PIGG: variants seen among roughly 807,000 people sequenced by gnomAD.
PIGG encodes GPI ethanolamine phosphate transferase 2, catalytic subunit.
A neutral mutation model predicts 83.2 loss-of-function variants in PIGG; 70 were observed. The observed-to-expected ratio is 0.84, with a 90% CI of 0.69 to 1.03. PIGG has a LOEUF of 1.03. PIGG is among the 50% of genes least tolerant of loss of function. The pLI is 0.00. For synonymous variants in PIGG, 532 were observed against 519.5 expected (o/e 1.02, Z -0.33); for missense variants, 1,257 against 1,233.6 (o/e 1.02, Z -0.28).
intron 2 of PIGG, chr4:502,074 T>G (rs1338828850): frequency 1.3e-5 from 2 of 152,230 alleles, no homozygotes; most frequent in African/African-American, 4.8e-5. Context: ...CTTTATCTGC[T>G]CTATCAGAAG....
chr4:503,443 C>T (rs1278509038), intron 2 of PIGG, among the ~76,000 whole-genome samples: 1 of 152,202 alleles, frequency 6.6e-6, no homozygotes, highest in Non-Finnish European at 1.5e-5. Context: ...GGCCCCCTTC[C>T]GTGTTCCCTT....
chr4:500,682 G>A, intron 2 of PIGG, 81 bp downstream of exon 2: 1 of 905,092 alleles, frequency 1.1e-6, no homozygotes, highest in South Asian at 1.4e-5. Context: ...CTTTCGCTTG[G>A]AGTTGCAATT....
chr4:533,240 CG>C (rs2109029205), intron 11 of PIGG: 1 of 158,602 alleles, frequency 6.3e-6, no homozygotes, highest in South Asian at 1.8e-4. Flanking sequence ...TGGTCTGATA[CG>C]TAAGCCAGAT....
At position 517,668 on chromosome 4, in the gene PIGG, C is replaced by T. The variant is rs545395507; in HGVS notation, c.1114+1483C>T. Reference sequence around the variant, plus strand: ...TCGTCAGATGGAGAGTGGGGGAAGGCCTGGCTGGTACTAGGCAGGCGAGAG... The same window carrying T: ...TCGTCAGATGGAGAGTGGGGGAAGGTCTGGCTGGTACTAGGCAGGCGAGAG... On this transcript the variant is annotated intron_variant, in intron 6 of 12. Coordinates refer to ENST00000453061, the MANE Select transcript of PIGG (RefSeq NM_001127178.3). 2.4e-4 allele frequency among the ~76,000 whole-genome samples: 37 copies of T among 152,162 alleles called. No individual in the cohort carries two copies. In the East Asian group the frequency reaches 6.4e-3, roughly 26 times the overall value.
At chr4:525,077 G>C in intron 9 of PIGG, 2 of 493,402 alleles carry the variant, frequency 4.1e-6, no homozygotes, top group Non-Finnish European at 5.3e-6. Flanking sequence ...GGGTCAGCCA[G>C]GCAAGGCAGG....
intron 10 of PIGG, among the ~76,000 whole-genome samples, chr4:529,957 T>C (rs1300639945): frequency 6.6e-6 from 1 of 152,222 alleles, no homozygotes; most frequent in Non-Finnish European, 1.5e-5. Context: ...CAGGTGCTTA[T>C]TTACCTATAA....
chr4:502,757 A>G (rs1553876581), intron 2 of PIGG, among the ~76,000 whole-genome samples: 1 of 152,086 alleles, frequency 6.6e-6, no homozygotes, highest in Non-Finnish European at 1.5e-5. Context: ...GTGGGAACCC[A>G]AGCTAGTGTG....
chr4:518,168 A>G (rs1724549811), intron 6 of PIGG, among the ~76,000 whole-genome samples: 1 of 152,226 alleles, frequency 6.6e-6, no homozygotes, highest in South Asian at 2.1e-4. Flanking sequence ...CCATGGAGCC[A>G]TTTTAGTCAA....
intron 5 of PIGG, among the ~76,000 whole-genome samples, chr4:514,114 C>T (rs1001187367): frequency 1.3e-5 from 2 of 152,150 alleles, no homozygotes; most frequent in Non-Finnish European, 2.9e-5. Flanking sequence ...TAGTCACAGT[C>T]GTATAATAAA....
chr4:508,234 T>G (rs1353556707), intron 4 of PIGG, among the ~76,000 whole-genome samples: 1 of 152,178 alleles, frequency 6.6e-6, no homozygotes, highest in East Asian at 1.9e-4. Context: ...AGAGAAGCCT[T>G]CCCTGAAGAC....
intron 2 of PIGG, among the ~76,000 whole-genome samples, chr4:504,584 G>A (rs1248282964): frequency 6.6e-6 from 1 of 152,044 alleles, no homozygotes; most frequent in Non-Finnish European, 1.5e-5. Context: ...TCCTCCCTGT[G>A]GCATTCCAGA....
chr4:508,051 A>G (rs560716908), intron 4 of PIGG, among the ~76,000 whole-genome samples: 6 of 152,070 alleles, frequency 3.9e-5, no homozygotes, highest in Non-Finnish European at 5.9e-5. Context: ...TTTCTGTTCT[A>G]TGTCACTTTT....
At chr4:522,096 G>A (rs1258620396) in intron 8 of PIGG, 155 bp downstream of exon 8, 19 of 766,128 alleles carry the variant, frequency 2.5e-5, no homozygotes, top group South Asian at 4.6e-5. Context: ...AGGGAAGGAC[G>A]TGGAGCAGCC....
intron 1 of PIGG, chr4:499,710 T>G: frequency 5.0e-6 from 7 of 1,393,374 alleles, no homozygotes; most frequent in Non-Finnish European, 6.5e-6. Context: ...CGACCTTCCT[T>G]CCTGATCACC....
chr4:506,223 C>T (rs782471986), intron 3 of PIGG, among the ~76,000 whole-genome samples: 1 of 152,210 alleles, frequency 6.6e-6, no homozygotes, highest in Non-Finnish European at 1.5e-5. Flanking sequence ...CTGTCTGAGC[C>T]GAGATATGAT....
At chr4:532,264 T>G (rs1233633510) in intron 11 of PIGG, 1 of 152,320 alleles carries the variant, frequency 6.6e-6, no homozygotes, top group East Asian at 1.9e-4. Context: ...GATGAAGTCA[T>G]GCAGGTAAAG....
At chr4:521,989 G>A (rs775541986) in intron 8 of PIGG, 48 bp downstream of exon 8, 178 of 1,593,550 alleles carry the variant, frequency 1.1e-4, no homozygotes, top group Non-Finnish European at 1.5e-4. Flanking sequence ...TTCTGCTCAG[G>A]TTGTTCTTGT....
Position 515,865 on chromosome 4 carries a change from A to G in PIGG, c.902-108A>G. The G allele has an allele frequency of 1.2e-6, 1 of 834,476 alleles. No homozygotes were observed. The highest frequency in any genetic ancestry group is 2.0e-6 in the Non-Finnish European group (1 of 491,080). 51.7% of individuals were successfully genotyped at this position (834,476 alleles called of 1,614,324 possible). On this transcript the variant is annotated intron_variant, in intron 5 of 12. Transcript: ENST00000453061. The surrounding 1 kb of genome is among the most constrained non-coding windows in gnomAD (Gnocchi z 4.2). Reference sequence around the variant, plus strand: ...TACGATTCTGTGTTGAGTGGTGTGAAGAGACGGATCATTTGGCTCATGTTA... The same window carrying G: ...TACGATTCTGTGTTGAGTGGTGTGAGGAGACGGATCATTTGGCTCATGTTA...
rs1728211015 is a variant in PIGG at position 528,286 on chromosome 4, T to C, written c.2261+1056T>C. On this transcript the variant is annotated intron_variant, in intron 10 of 12. Coordinates refer to ENST00000453061, the MANE Select transcript of PIGG (RefSeq NM_001127178.3). The surrounding 1 kb of genome is among the most constrained non-coding windows in gnomAD (Gnocchi z 4.8). ...TACTTAAAATACTGGTGATTATATT[T>C]AGGACCTGAAATCATAAGATTGTGG... 1.0e-6 allele frequency: 1 copy of C among 983,226 alleles called. No individual in the cohort carries two copies. Among genetic ancestry groups the C allele is most frequent in the African/African-American group, 1.7e-5 (1 of 57,196 alleles). The allele number at this position is 983,226 out of a possible 1,614,324, so 60.9% of individuals were successfully genotyped here.
Sources: gnomAD v4.1 joint callset for allele counts (sites outside exome capture counted in the v4.1 genomes callset) on GRCh38, gnomAD v4.1.1 for gene constraint, Gnocchi (gnomAD v3.1) non-coding constraint, MANE v1.5 for transcripts, NCBI Gene and HGNC (gene_info 2026-07-23, HGNC 2026-07-21) for gene names.